Variants in NWD1 observed in about 807,000 individuals in gnomAD.
NWD1 encodes the protein NACHT and WD repeat domain containing 1.
In NWD1, 129 loss-of-function variants were observed where a neutral mutation model predicts 135.1. That is an observed-to-expected ratio of 0.96 (90% CI 0.83 to 1.11). The LOEUF (loss-of-function observed/expected upper bound fraction) is 1.11. Among genes scored for constraint, NWD1 ranks in the 50% least tolerant of loss-of-function variants. The pLI, the probability that NWD1 is intolerant of heterozygous loss-of-function variation, is 0.00. For synonymous variants in NWD1, 773 were observed against 786.0 expected, an observed-to-expected ratio of 0.98 and a Z score of 0.28; for missense variants, 1,740 against 1,851.3, an observed-to-expected ratio of 0.94 and a Z score of 1.10.
intron 11 of NWD1, among the ~76,000 whole-genome samples, chr19:16,773,535 A>C (rs1276092954): frequency 6.6e-6 from 1 of 152,028 alleles, no homozygotes; most frequent in Non-Finnish European, 1.5e-5. Flanking sequence ...AAATTCTTCT[A>C]ATGAGCCCGA....
chr19:16,766,254 A>G (rs1269062951), intron 10 of NWD1, among the ~76,000 whole-genome samples: 8 of 151,848 alleles, frequency 5.3e-5, no homozygotes, highest in African/African-American at 1.9e-4. Flanking sequence ...AATTATTCTC[A>G]GGCTGAGCAT....
At chr19:16,778,457 C>A (rs1288765143) in intron 11 of NWD1, among the ~76,000 whole-genome samples, 1 of 148,664 alleles carries the variant, frequency 6.7e-6, no homozygotes, top group Non-Finnish European at 1.5e-5. Flanking sequence ...AATATAATTT[C>A]TTTCTTTCTT....
intron 2 of NWD1, among the ~76,000 whole-genome samples, chr19:16,730,354 C>A (rs960541995): frequency 2.6e-5 from 4 of 151,198 alleles, no homozygotes; most frequent in Admixed American, 6.6e-5. Flanking sequence ...AAAAAAAAAA[C>A]CCAAAATCTA....
At chr19:16,764,962 G>T (rs1196018155) in intron 9 of NWD1, 72 bp from the exon 10 acceptor site, 1 of 1,516,618 alleles carries the variant, frequency 6.6e-7, no homozygotes, top group South Asian at 1.2e-5. Context: ...ATGGAGAGAT[G>T]ATTCTCCACC....
chr19:16,761,766 T>G (rs1216220308), intron 7 of NWD1, among the ~76,000 whole-genome samples: 2 of 151,988 alleles, frequency 1.3e-5, no homozygotes, highest in Non-Finnish European at 2.9e-5. Context: ...CAAATGTTCC[T>G]CTTTGAAATG....
chr19:16,734,499 C>T (rs913543896), intron 3 of NWD1, among the ~76,000 whole-genome samples: 1 of 149,522 alleles, frequency 6.7e-6, no homozygotes, highest in Non-Finnish European at 1.5e-5. Context: ...TGCGCCACTG[C>T]ACTCCAGCCT....
At chr19:16,760,500 C>CA (rs1968969627) in intron 7 of NWD1, among the ~76,000 whole-genome samples, 1 of 151,984 alleles carries the variant, frequency 6.6e-6, no homozygotes, top group Non-Finnish European at 1.5e-5. Context: ...GCTCAAGAGA[C>CA]ACACCCACAT....
chr19:16,720,802 C>G (rs1188712203), intron 1 of NWD1, among the ~76,000 whole-genome samples: 1 of 152,110 alleles, frequency 6.6e-6, no homozygotes, highest in Non-Finnish European at 1.5e-5. Context: ...ATCTGCCCTC[C>G]TCGGCTTCCC....
intron 10 of NWD1, among the ~76,000 whole-genome samples, chr19:16,769,658 C>T (rs1181312589): frequency 6.6e-6 from 1 of 152,098 alleles, no homozygotes; most frequent in African/African-American, 2.4e-5. Context: ...GTGCCGGGGG[C>T]CCTGGGCTGG....
chr19:16,779,227 T>A, intron 11 of NWD1, 116 bp from the exon 12 acceptor site: 1 of 1,221,722 alleles, frequency 8.2e-7, no homozygotes, highest in Non-Finnish European at 1.2e-6. Flanking sequence ...AGGGACCAAA[T>A]CTCTCTGTGC....
chr19:16,767,797 C>T (rs577681053), intron 10 of NWD1, among the ~76,000 whole-genome samples: 1 of 151,922 alleles, frequency 6.6e-6, no homozygotes, highest in South Asian at 2.1e-4. Flanking sequence ...TATCTCTCCC[C>T]ATTCTCCCTT....
rs1237451438 is a variant in NWD1, at chr19:16,761,980, C to A, written c.1975C>A (p.Gln659Lys). 6.2e-7 allele frequency: 1 copy of A among 1,613,536 alleles called. No individual in the cohort carries two copies. The highest frequency in any genetic ancestry group is 8.5e-7 in the Non-Finnish European group (1 of 1,179,698). ...TCAGTCTGTATACCCTCTCTGTAGACAGCTGGTCGAGGTGGTCCGTGAGCG... is the reference window on the plus strand; with the variant it reads ...TCAGTCTGTATACCCTCTCTGTAGAAAGCTGGTCGAGGTGGTCCGTGAGCG... ...GFTLLAIAHR[Q>K]LVEVVRERYL... The change falls in exon 8 of 19, where the codon CAG becomes AAG. Residue 659 changes from glutamine to lysine, a missense_variant and splice_region_variant. By Grantham distance (53) the Gln-to-Lys change is moderately conservative (BLOSUM62 1). Coordinates refer to ENST00000524140, the MANE Select transcript of NWD1 (RefSeq NM_001007525.5).
intron 6 of NWD1, among the ~76,000 whole-genome samples, chr19:16,752,526 T>TGCATGCCTATAGACTTA (rs147804464): frequency 4.0e-5 from 6 of 151,742 alleles, no homozygotes; most frequent in African/African-American, 1.5e-4. Context: ...AGCATGGTGG[T>TGCATGCCTATAGACTTA]GCTACTCCGG....
intron 6 of NWD1, among the ~76,000 whole-genome samples, chr19:16,755,581 G>A (rs1398634230): frequency 1.3e-5 from 2 of 152,080 alleles, no homozygotes; most frequent in Admixed American, 1.3e-4. Flanking sequence ...TAGAGACAGG[G>A]TTTTGCCATA....
At position 16,731,203 on chromosome 19, in the gene NWD1, G is replaced by C; in HGVS notation, c.6G>C (p.Gln2His). M[Q>H]RGKPCRALPT... ...GCCCTTCCTTGCAGATATGGATGCAGAGAGGGAAGCCCTGCAGAGCACTGC... is the reference window on the plus strand; with the variant it reads ...GCCCTTCCTTGCAGATATGGATGCACAGAGGGAAGCCCTGCAGAGCACTGC... Residue 2 changes from glutamine (Q) to histidine (H), a missense_variant, in exon 3 of 19, where the codon CAG becomes CAC. Coordinates refer to ENST00000524140, the MANE Select transcript of NWD1 (RefSeq NM_001007525.5). The C allele has an allele frequency of 3.9e-6, 6 of 1,530,164 alleles. No individual in the cohort carries two copies. Among genetic ancestry groups the C allele is most frequent in the Non-Finnish European group, 5.3e-6 (6 of 1,141,452 alleles). 94.8% of individuals were successfully genotyped at this position (1,530,164 alleles called of 1,614,324 possible). A position where few individuals can be genotyped will look rare whatever the true frequency, so the allele number is the denominator to read the frequency against.
Position 16,741,270 on chromosome 19 carries a change from CAGGGCCTTT to C in NWD1, c.199-3150_199-3142del, listed in dbSNP as rs554617294. On this transcript the variant is annotated intron_variant, in intron 4 of 18. Transcript: ENST00000524140. Reference sequence around the variant, plus strand: ...ACAGCAGCCATGCTTCTTCCTGCCACAGGGCCTTTGCACATGCTGCTCCCCCTGCCTGCA... The same window carrying C: ...ACAGCAGCCATGCTTCTTCCTGCCACGCACATGCTGCTCCCCCTGCCTGCA... 2.2e-4 allele frequency among the ~76,000 whole-genome samples: 34 copies of C among 152,242 alleles called. No homozygotes were observed. The East Asian group carries it at 6.2e-3, about 28-fold the overall frequency.
chr19:16,773,764 T>G (rs551358885), intron 11 of NWD1, among the ~76,000 whole-genome samples: 1 of 152,200 alleles, frequency 6.6e-6, no homozygotes, highest in Admixed American at 6.5e-5. Flanking sequence ...TTCATTTTTT[T>G]CTTCCTTCCA....
chr19:16,767,256 T>G (rs1442770959), intron 10 of NWD1, among the ~76,000 whole-genome samples: 2 of 138,844 alleles, frequency 1.4e-5, no homozygotes, highest in Non-Finnish European at 3.0e-5. Context: ...CTCGGCTCAC[T>G]GCAAGCTCCG....
chr19:16,810,640 G>A (rs1000638756), intron 18 of NWD1, among the ~76,000 whole-genome samples: 8 of 151,938 alleles, frequency 5.3e-5, no homozygotes, highest in African/African-American at 1.9e-4. Context: ...GTGTGTGCCT[G>A]TAGTCCCAGC....
Sources: gnomAD v4.1 joint callset for allele counts (sites outside exome capture counted in the v4.1 genomes callset) on GRCh38, gnomAD v4.1.1 for gene constraint, MANE v1.5 for transcripts, NCBI Gene and HGNC (gene_info 2026-07-23, HGNC 2026-07-21) for gene names.